The following MSI2 variants were observed in gnomAD, a reference collection of about 807,000 sequenced individuals.
MSI2 encodes the protein musashi RNA binding protein 2.
A neutral mutation model predicts 45.6 loss-of-function variants in MSI2; 17 were observed. The observed-to-expected ratio is 0.37, with a 90% CI of 0.26 to 0.56. The LOEUF (loss-of-function observed/expected upper bound fraction) is 0.56. Ranked by LOEUF, MSI2 falls within the 20% of genes least tolerant of loss-of-function variation. The probability of loss-of-function intolerance (pLI) is 0.77; values close to 1 mark genes in which losing one functional copy is unlikely to be tolerated. For missense variants in MSI2, 293 were observed against 444.2 expected, an observed-to-expected ratio of 0.66 and a Z score of 3.06; for synonymous variants, 156 against 158.2, an observed-to-expected ratio of 0.99 and a Z score of 0.11.
intron 5 of MSI2, among the ~76,000 whole-genome samples, chr17:57,358,091 T>C (rs1399248358): frequency 6.6e-6 from 1 of 152,218 alleles, no homozygotes; most frequent in Non-Finnish European, 1.5e-5. Flanking sequence ...GTTGCAAAGC[T>C]TGCAGTTATA....
intron 6 of MSI2, among the ~76,000 whole-genome samples, chr17:57,507,225 CTGTGTGTGTGTGTGTGTGTGTGTGTG>C (rs71140002): frequency 2.0e-5 from 1 of 51,184 alleles, no homozygotes; most frequent in East Asian, 5.2e-4. Flanking sequence ...CTTTGTCTCT[CTGTGTGTGTGTGTGTGTGTGTGTGTG>C]TGTGTGTGTG....
At position 57,368,394 on chromosome 17, in the gene MSI2, A is replaced by G. The variant is rs559347223; in HGVS notation, c.313-32985A>G. On this transcript the variant is annotated intron_variant, in intron 5 of 13. Coordinates refer to ENST00000284073, the MANE Select transcript of MSI2 (RefSeq NM_138962.4). ...AAAATGGCAAAACACCGTCTCTACTAAAAATACAAAAATTAGCTGGTCATG... is the reference window on the plus strand; with the variant it reads ...AAAATGGCAAAACACCGTCTCTACTGAAAATACAAAAATTAGCTGGTCATG... Among the ~76,000 whole-genome samples the G allele has an allele frequency of 2.7e-3, 415 of 152,136 alleles. 3 individuals are homozygous for G. Among genetic ancestry groups the G allele is most frequent in the Non-Finnish European group, 5.0e-3 (340 of 68,004 alleles).
intron 5 of MSI2, among the ~76,000 whole-genome samples, chr17:57,389,042 C>A (rs1024738494): frequency 1.3e-4 from 19 of 149,784 alleles, no homozygotes; most frequent in Admixed American, 3.3e-4. Context: ...GCAGTGGTAC[C>A]ATCTCAGCTC....
At chr17:57,320,044 C>T (rs992609014) in intron 5 of MSI2, among the ~76,000 whole-genome samples, 4 of 152,020 alleles carry the variant, frequency 2.6e-5, no homozygotes, top group South Asian at 4.1e-4. Flanking sequence ...CCCTTTGCAT[C>T]GTCTCACTCT....
intron 5 of MSI2, among the ~76,000 whole-genome samples, chr17:57,323,463 C>T (rs779368412): frequency 2.6e-5 from 4 of 152,250 alleles, no homozygotes; most frequent in Admixed American, 6.5e-5. Context: ...CTTGGGCCCT[C>T]CCAAAGATCC....
chr17:57,442,121 C>G (rs2084811433), intron 6 of MSI2, among the ~76,000 whole-genome samples: 1 of 151,572 alleles, frequency 6.6e-6, no homozygotes, highest in Non-Finnish European at 1.5e-5. Flanking sequence ...ACTGGGTCCT[C>G]CACCTCCCGG....
intron 6 of MSI2, among the ~76,000 whole-genome samples, chr17:57,404,843 G>A (rs944566750): frequency 6.6e-6 from 1 of 152,046 alleles, no homozygotes; most frequent in African/African-American, 2.4e-5. Flanking sequence ...ACCCTTTTGT[G>A]TTTTTCTTCC....
intron 6 of MSI2, among the ~76,000 whole-genome samples, chr17:57,402,633 C>T (rs1296366287): frequency 6.6e-6 from 1 of 152,204 alleles, no homozygotes; most frequent in East Asian, 1.9e-4. Flanking sequence ...TTGTGAACTA[C>T]TGTCTGGGAT....
intron 10 of MSI2, among the ~76,000 whole-genome samples, chr17:57,645,298 GC>G (rs1910572684): frequency 6.6e-6 from 1 of 152,186 alleles, no homozygotes; most frequent in African/African-American, 2.4e-5. Flanking sequence ...ACAAGAGTTA[GC>G]CCCCTGTATT....
intron 6 of MSI2, among the ~76,000 whole-genome samples, chr17:57,405,239 C>T (rs2084061633): frequency 6.6e-6 from 1 of 152,198 alleles, no homozygotes; most frequent in Non-Finnish European, 1.5e-5. Context: ...ATATTTGCAG[C>T]TTTGCAATCC....
intron 11 of MSI2, among the ~76,000 whole-genome samples, chr17:57,672,295 G>A (rs923630757): frequency 3.9e-5 from 6 of 152,228 alleles, no homozygotes; most frequent in Non-Finnish European, 7.3e-5. Flanking sequence ...ATAGACCTAA[G>A]ATGAGCTGCT....
chr17:57,636,525 G>C (rs751963209), intron 10 of MSI2, among the ~76,000 whole-genome samples: 1 of 152,162 alleles, frequency 6.6e-6, no homozygotes, highest in South Asian at 2.1e-4. Flanking sequence ...CCCGGGGTGC[G>C]CTCAGGGAGC....
At chr17:57,602,509 C>T (rs1457403755) in intron 8 of MSI2, among the ~76,000 whole-genome samples, 7 of 152,268 alleles carry the variant, frequency 4.6e-5, no homozygotes, top group South Asian at 4.1e-4. Flanking sequence ...TGCGCCACCA[C>T]GCCCAGCTAA....
At chr17:57,621,115 CG>C (rs1157256491) in intron 9 of MSI2, among the ~76,000 whole-genome samples, 1 of 152,192 alleles carries the variant, frequency 6.6e-6, no homozygotes, top group East Asian at 1.9e-4. Flanking sequence ...CTTCTTCCCT[CG>C]AAAGTGGTAG....
Position 57,419,157 on chromosome 17 carries a change from C to A in MSI2, c.405+17686C>A, listed in dbSNP as rs192923537. 4.5e-3 allele frequency among the ~76,000 whole-genome samples: 671 copies of A among 150,542 alleles called. 3 individuals carry two copies. The highest frequency in any genetic ancestry group is 0.016 in the African/African-American group (652 of 41,024). ...TTCTCTGAAAATTCGTCATTTCTGT[C>A]CTAGGAACTTTAAAGTATGGAGGTT... On this transcript the variant is annotated intron_variant, in intron 6 of 13. Transcript: ENST00000284073.
intron 7 of MSI2, among the ~76,000 whole-genome samples, chr17:57,572,168 G>T (rs1247946671): frequency 6.6e-6 from 1 of 152,224 alleles, no homozygotes; most frequent in Non-Finnish European, 1.5e-5. Flanking sequence ...AAGCATGAAG[G>T]ATTTGGCATC....
At chr17:57,574,119 C>T (rs2087950600) in intron 7 of MSI2, among the ~76,000 whole-genome samples, 1 of 152,114 alleles carries the variant, frequency 6.6e-6, no homozygotes, top group South Asian at 2.1e-4. Flanking sequence ...AACTCCAGCC[C>T]CTGCACATCT....
intron 11 of MSI2, among the ~76,000 whole-genome samples, chr17:57,663,199 C>T (rs1172027688): frequency 6.6e-6 from 1 of 152,190 alleles, no homozygotes; most frequent in Non-Finnish European, 1.5e-5. Context: ...AAGGCGGGAG[C>T]AGCGGGCTTC....
chr17:57,694,487 C>T, the MSI2 span, among the ~76,000 whole-genome samples: 153 of 152,242 alleles, frequency 1.0e-3, 1 homozygote, highest in East Asian at 0.016. Flanking sequence ...TCCCTCCTCC[C>T]GAAAGCTAAG....
Sources: allele counts gnomAD v4.1 joint callset (sites outside exome capture counted in the v4.1 genomes callset), GRCh38; gene constraint gnomAD v4.1.1; transcripts MANE v1.5; gene names NCBI Gene and HGNC (gene_info 2026-07-23, HGNC 2026-07-21).